The following CADM1 variants were observed in gnomAD, a reference collection of about 807,000 sequenced individuals.
The protein encoded by CADM1 is TSLC-1.
In CADM1, 15 loss-of-function variants were observed where a neutral mutation model predicts 53.1. The observed-to-expected ratio is 0.28, with a 90% CI of 0.19 to 0.44. The LOEUF (loss-of-function observed/expected upper bound fraction) is 0.44, where lower values mean the gene tolerates loss of function less well. Ranked by LOEUF, CADM1 falls within the 20% of genes least tolerant of loss-of-function variation. The pLI is 1.00. For synonymous variants in CADM1, 281 were observed against 243.0 expected, an observed-to-expected ratio of 1.16 and a Z score of -1.45; for missense variants, 434 against 611.3, an observed-to-expected ratio of 0.71 and a Z score of 3.06.
At chr11:115,261,371 CCT>C (rs951776099) in intron 1 of CADM1, among the ~76,000 whole-genome samples, 6 of 152,072 alleles carry the variant, frequency 3.9e-5, no homozygotes, top group African/African-American at 1.4e-4. Context: ...AGAATTAATG[CCT>C]CTCTCAAAAA....
At position 115,331,719 on chromosome 11, in the gene CADM1, A is replaced by G. The variant is rs546128618; in HGVS notation, c.125-91299T>C. 5.5e-5 allele frequency among the ~76,000 whole-genome samples: 8 copies of G among 146,574 alleles called. No homozygotes were observed. The South Asian group carries it at 1.9e-3, about 34-fold the overall frequency. ...TTTTTATCAAGATTTTACCAAGTCT[A>G]TACCTGTAAGGAAAAAAAATGGGTA... On this transcript the variant is annotated intron_variant, in intron 1 of 11. Transcript: ENST00000331581.
chr11:115,374,040 T>C (rs1167859107), intron 1 of CADM1, among the ~76,000 whole-genome samples: 1 of 152,156 alleles, frequency 6.6e-6, no homozygotes, highest in African/African-American at 2.4e-5. Flanking sequence ...ACCTATCCAG[T>C]AGGAATAAGC....
intron 1 of CADM1, among the ~76,000 whole-genome samples, chr11:115,413,903 A>G (rs1005913864): frequency 6.6e-6 from 1 of 152,080 alleles, no homozygotes; most frequent in Non-Finnish European, 1.5e-5. Context: ...TCGGACTCCC[A>G]AAGTGCTGGG....
intron 3 of CADM1, among the ~76,000 whole-genome samples, chr11:115,234,991 ATT>A (rs796620095): frequency 6.7e-6 from 1 of 148,782 alleles, no homozygotes; most frequent in Non-Finnish European, 1.5e-5. Flanking sequence ...TCACTGAATG[ATT>A]TTTTTTTCCA....
intron 1 of CADM1, among the ~76,000 whole-genome samples, chr11:115,403,251 C>T (rs1263909077): frequency 6.6e-6 from 1 of 150,588 alleles, no homozygotes; most frequent in Non-Finnish European, 1.5e-5. Context: ...AATATCTGGC[C>T]AGTACTCTTC....
chr11:115,199,672 T>C (rs1940328439), intron 8 of CADM1, among the ~76,000 whole-genome samples: 1 of 152,240 alleles, frequency 6.6e-6, no homozygotes, highest in Non-Finnish European at 1.5e-5. Flanking sequence ...GGCCATACTT[T>C]CATTTTGAGT....
chr11:115,246,897 T>A (rs1215080236), intron 1 of CADM1, among the ~76,000 whole-genome samples: 1 of 152,200 alleles, frequency 6.6e-6, no homozygotes, highest in African/African-American at 2.4e-5. Context: ...CAGTAACAGG[T>A]GAGGCAAATT....
chr11:115,327,520 GT>G (rs59245845), intron 1 of CADM1, among the ~76,000 whole-genome samples: 13 of 150,342 alleles, frequency 8.6e-5, no homozygotes, highest in African/African-American at 2.2e-4. Context: ...ATACATAAGA[GT>G]TTTTTTTTTA....
intron 1 of CADM1, among the ~76,000 whole-genome samples, chr11:115,379,745 TA>T (rs899847838): frequency 2.0e-5 from 3 of 152,196 alleles, no homozygotes; most frequent in Admixed American, 6.5e-5. Context: ...TTTTTGATAG[TA>T]AAAATGAGAT....
chr11:115,492,360 CAT>C (rs1367525907), intron 1 of CADM1, among the ~76,000 whole-genome samples: 1 of 152,032 alleles, frequency 6.6e-6, no homozygotes, highest in Non-Finnish European at 1.5e-5. Context: ...GTACAAAAAA[CAT>C]AGGGAACGAA....
intron 1 of CADM1, among the ~76,000 whole-genome samples, chr11:115,298,232 A>C (rs1944130295): frequency 6.6e-6 from 1 of 152,222 alleles, no homozygotes; most frequent in Non-Finnish European, 1.5e-5. Context: ...TCTGAAACAC[A>C]GAAACAATTT....
intron 1 of CADM1, among the ~76,000 whole-genome samples, chr11:115,345,391 G>A (rs1460010480): frequency 6.6e-6 from 1 of 152,118 alleles, no homozygotes; most frequent in African/African-American, 2.4e-5. Flanking sequence ...GCTCAGCAAG[G>A]GACAGGACAA....
intron 1 of CADM1, among the ~76,000 whole-genome samples, chr11:115,442,748 A>G (rs145438034): frequency 9.5e-4 from 145 of 152,318 alleles, no homozygotes; most frequent in African/African-American, 3.3e-3. Context: ...TCTTGATATT[A>G]TAACAACTCT....
intron 1 of CADM1, among the ~76,000 whole-genome samples, chr11:115,242,821 T>C (rs542130729): frequency 2.6e-4 from 40 of 152,354 alleles, no homozygotes; most frequent in African/African-American, 9.1e-4. Flanking sequence ...CTGACTACTA[T>C]CTTGCAGCCA....
At chr11:115,385,885 A>C (rs1219462600) in intron 1 of CADM1, among the ~76,000 whole-genome samples, 1 of 152,204 alleles carries the variant, frequency 6.6e-6, no homozygotes, top group Non-Finnish European at 1.5e-5. Flanking sequence ...GCTTGCTGAC[A>C]GCTCCCTAGA....
At chr11:115,339,954 T>A (rs776510988) in intron 1 of CADM1, 2 of 152,170 alleles carry the variant, frequency 1.3e-5, no homozygotes, top group African/African-American at 2.4e-5. Context: ...TATTCTAAGT[T>A]ATTCTTTTGT....
chr11:115,331,086 T>TA (rs1945117399), intron 1 of CADM1, among the ~76,000 whole-genome samples: 1 of 152,140 alleles, frequency 6.6e-6, no homozygotes, highest in Admixed American at 6.6e-5. Context: ...GGAAAGAATG[T>TA]AAAAATTCCT....
At chr11:115,399,647 A>G (rs1312155467) in intron 1 of CADM1, 1 of 152,132 alleles carries the variant, frequency 6.6e-6, no homozygotes, top group African/African-American at 2.4e-5. Context: ...GTATAAAAAG[A>G]GCTGTTTTTT....
chr11:115,235,165 C>T (rs1941968386), intron 3 of CADM1, among the ~76,000 whole-genome samples: 1 of 146,120 alleles, frequency 6.8e-6, no homozygotes, highest in African/African-American at 2.6e-5. Flanking sequence ...GCTGACTTTG[C>T]TCAGTTTTTT....
Sources: gnomAD v4.1 joint callset for allele counts (sites outside exome capture counted in the v4.1 genomes callset) on GRCh38, gnomAD v4.1.1 for gene constraint, MANE v1.5 for transcripts, NCBI Gene and HGNC (gene_info 2026-07-23, HGNC 2026-07-21) for gene names.